Variants in SLC44A5 observed in about 807,000 individuals in gnomAD.
The protein encoded by SLC44A5 is choline transporter-like protein 5.
SLC44A5 carries 57 observed loss-of-function variants against 101.8 expected under a neutral mutation model. The observed-to-expected ratio is 0.56, with a 90% CI of 0.45 to 0.70. The LOEUF is 0.70. Ranked by LOEUF, SLC44A5 falls within the 30% of genes least tolerant of loss-of-function variation. The pLI is 0.00. For missense variants in SLC44A5, 737 were observed against 853.1 expected, an observed-to-expected ratio of 0.86 and a Z score of 1.70; for synonymous variants, 281 against 290.9, an observed-to-expected ratio of 0.97 and a Z score of 0.35.
rs1670555101 is a variant in SLC44A5, at chr1:75,528,621, T to A, written c.13+12814A>T. Among the ~76,000 whole-genome samples the A allele has an allele frequency of 1.3e-5, 2 of 152,176 alleles. 1 individual carries two copies. The highest frequency in any genetic ancestry group is 4.1e-4 in the South Asian group (2 of 4,822). On this transcript the variant is annotated intron_variant, in intron 2 of 23. Coordinates refer to ENST00000370859, the MANE Select transcript of SLC44A5 (RefSeq NM_001130058.2). ...TATTTCCCTCCAACTTTCTCCAGAATGCAGCCAGAGTCCTTACCATAAAAT... is the reference window on the plus strand; with the variant it reads ...TATTTCCCTCCAACTTTCTCCAGAAAGCAGCCAGAGTCCTTACCATAAAAT...
At chr1:75,537,034 A>AAAAAAAAAAATATATATATG (rs1553199990) in intron 2 of SLC44A5, among the ~76,000 whole-genome samples, 1 of 18,654 alleles carries the variant, frequency 5.4e-5, no homozygotes, top group African/African-American at 1.0e-4. Flanking sequence ...AAAAAAAAAA[A>AAAAAAAAAAATATATATATG]TATATATCTA....
At chr1:75,332,967 G>C (rs1319871991) in intron 4 of SLC44A5, among the ~76,000 whole-genome samples, 1 of 152,012 alleles carries the variant, frequency 6.6e-6, no homozygotes, top group Non-Finnish European at 1.5e-5. Flanking sequence ...TGAATTAATT[G>C]GTATGCTTTT....
At chr1:75,301,959 G>T (rs1276458425) in intron 4 of SLC44A5, among the ~76,000 whole-genome samples, 1 of 152,060 alleles carries the variant, frequency 6.6e-6, no homozygotes, top group East Asian at 1.9e-4. Flanking sequence ...ATAGGAAATG[G>T]ATCTTTCATA....
At chr1:75,502,405 G>A (rs1475749717) in intron 2 of SLC44A5, among the ~76,000 whole-genome samples, 3 of 152,152 alleles carry the variant, frequency 2.0e-5, no homozygotes, top group African/African-American at 4.8e-5. Flanking sequence ...AGCCAGCAGC[G>A]TTTTACCTTA....
intron 22 of SLC44A5, among the ~76,000 whole-genome samples, chr1:75,212,343 T>C (rs539571885): frequency 6.6e-6 from 1 of 152,072 alleles, no homozygotes; most frequent in African/African-American, 2.4e-5. Context: ...TCCCTCCTTC[T>C]ACCCTCCACC....
At chr1:75,479,714 C>A (rs1172914136) in intron 2 of SLC44A5, among the ~76,000 whole-genome samples, 1 of 152,212 alleles carries the variant, frequency 6.6e-6, no homozygotes, top group Non-Finnish European at 1.5e-5. Flanking sequence ...GAAGTTGAAT[C>A]TCTGAATAGA....
chr1:75,367,100 T>C (rs1053246921), intron 3 of SLC44A5, among the ~76,000 whole-genome samples: 9 of 152,238 alleles, frequency 5.9e-5, no homozygotes, highest in African/African-American at 1.9e-4. Context: ...TAATTGTTTG[T>C]AATCCAGGTA....
At chr1:75,459,942 C>A (rs1188975582) in intron 2 of SLC44A5, among the ~76,000 whole-genome samples, 1 of 152,132 alleles carries the variant, frequency 6.6e-6, no homozygotes, top group African/African-American at 2.4e-5. Flanking sequence ...TTATACAAAG[C>A]AGTGCTTAAG....
At chr1:75,354,534 A>G (rs1425041328) in intron 3 of SLC44A5, among the ~76,000 whole-genome samples, 3 of 152,126 alleles carry the variant, frequency 2.0e-5, no homozygotes, top group African/African-American at 7.2e-5. Context: ...CACCAATAAA[A>G]AGCGTGGGCT....
intron 1 of SLC44A5, among the ~76,000 whole-genome samples, chr1:75,571,019 A>C (rs1673045930): frequency 6.6e-6 from 1 of 152,114 alleles, no homozygotes; most frequent in African/African-American, 2.4e-5. Context: ...CAAATCACTA[A>C]ATGTTTGACT....
the SLC44A5 span, among the ~76,000 whole-genome samples, chr1:75,683,647 C>T: frequency 3.3e-5 from 5 of 152,084 alleles, no homozygotes; most frequent in Admixed American, 6.6e-5. Context: ...GGGAGATATA[C>T]CTAATGCTAG....
intron 2 of SLC44A5, among the ~76,000 whole-genome samples, chr1:75,530,783 G>C (rs934442690): frequency 6.6e-6 from 1 of 151,950 alleles, no homozygotes; most frequent in African/African-American, 2.4e-5. Flanking sequence ...ACTAATTCTT[G>C]AATATTTTTT....
intron 2 of SLC44A5, among the ~76,000 whole-genome samples, chr1:75,540,520 G>T (rs1250579590): frequency 6.6e-6 from 1 of 152,186 alleles, no homozygotes; most frequent in Non-Finnish European, 1.5e-5. Flanking sequence ...CAGCCTTGAG[G>T]AACATGTGTA....
chr1:75,674,272 C>G, the SLC44A5 span, among the ~76,000 whole-genome samples: 1 of 151,882 alleles, frequency 6.6e-6, no homozygotes, highest in Non-Finnish European at 1.5e-5. Context: ...CAATTGACTA[C>G]TAAAGAATGC....
At chr1:75,664,109 C>G in the SLC44A5 span, among the ~76,000 whole-genome samples, 67 of 114,726 alleles carry the variant, frequency 5.8e-4, 1 homozygote, top group East Asian at 5.3e-3. Flanking sequence ...ATCCAACATC[C>G]CTTCATGATA....
intron 1 of SLC44A5, among the ~76,000 whole-genome samples, chr1:75,595,034 T>C (rs1674557578): frequency 6.6e-6 from 1 of 151,986 alleles, no homozygotes; most frequent in Admixed American, 6.6e-5. Flanking sequence ...CCATTTTCAA[T>C]AAATTACTTT....
At chr1:75,404,158 T>G (rs1662692215) in intron 2 of SLC44A5, among the ~76,000 whole-genome samples, 1 of 151,772 alleles carries the variant, frequency 6.6e-6, no homozygotes, top group Non-Finnish European at 1.5e-5. Flanking sequence ...GACAAAAGAA[T>G]GAAGAGGAAT....
At chr1:75,263,501 G>T (rs188933469) in intron 6 of SLC44A5, among the ~76,000 whole-genome samples, 1 of 152,294 alleles carries the variant, frequency 6.6e-6, no homozygotes, top group Admixed American at 6.5e-5. Flanking sequence ...AGAGGATGTG[G>T]AGAAATAGGA....
At chr1:75,486,052 C>T (rs78613274) in intron 2 of SLC44A5, among the ~76,000 whole-genome samples, 1 of 152,178 alleles carries the variant, frequency 6.6e-6, no homozygotes, top group African/African-American at 2.4e-5. Flanking sequence ...CAAACCATAC[C>T]AGTTTCTATT....
Sources: allele counts gnomAD v4.1 joint callset (sites outside exome capture counted in the v4.1 genomes callset), GRCh38; gene constraint gnomAD v4.1.1; transcripts MANE v1.5; gene names NCBI Gene and HGNC (gene_info 2026-07-23, HGNC 2026-07-21).